Variants in NBAS observed in about 807,000 individuals in gnomAD.
NBAS encodes NBAS subunit of NRZ tethering complex.
NBAS carries 219 observed loss-of-function variants against 302.5 expected under a neutral mutation model. That is an observed-to-expected ratio of 0.72 (90% CI 0.65 to 0.81). The LOEUF is 0.81. NBAS is among the 30% of genes least tolerant of loss of function. The probability of loss-of-function intolerance (pLI) is 0.00; values close to 1 mark genes in which losing one functional copy is unlikely to be tolerated. For synonymous variants in NBAS, 1,118 were observed against 1,021.6 expected (o/e 1.09, Z -1.80); for missense variants, 2,932 against 2,841.6 (o/e 1.03, Z -0.72).
the NBAS span, among the ~76,000 whole-genome samples, chr2:15,039,204 G>A: frequency 6.6e-6 from 1 of 152,204 alleles, no homozygotes; most frequent in African/African-American, 2.4e-5. Context: ...AGGCTGCACT[G>A]AGGATTAAAC....
chr2:15,317,439 T>C (rs977381825), intron 38 of NBAS, among the ~76,000 whole-genome samples: 2 of 152,138 alleles, frequency 1.3e-5, no homozygotes, highest in African/African-American at 2.4e-5. Flanking sequence ...AGGTCGGTAA[T>C]AACAAACTTC....
rs1044070256 is a variant in NBAS, at chr2:15,360,344, A to C, written c.3818-3928T>G. 3.5e-3 allele frequency among the ~76,000 whole-genome samples: 432 copies of C among 124,588 alleles called. 4 individuals carry two copies. Among genetic ancestry groups the C allele is most frequent in the Middle Eastern group, 4.2e-3 (1 of 238 alleles). The allele number at this position is 124,588 out of a possible 152,430, so 81.7% of individuals were successfully genotyped here. A position where few individuals can be genotyped will look rare whatever the true frequency, so the allele number is the denominator to read the frequency against. On this transcript the variant is annotated intron_variant, in intron 32 of 51. Coordinates refer to ENST00000281513, the MANE Select transcript of NBAS (RefSeq NM_015909.4). Reference sequence around the variant, plus strand: ...TTACCATAACTTAAAAAAAAAAAAAAAACAAAACAAAACAGAATCTCACTG... The same window carrying C: ...TTACCATAACTTAAAAAAAAAAAAACAACAAAACAAAACAGAATCTCACTG...
At chr2:15,280,496 C>T (rs1669776556) in intron 42 of NBAS, among the ~76,000 whole-genome samples, 1 of 152,128 alleles carries the variant, frequency 6.6e-6, no homozygotes, top group African/African-American at 2.4e-5. Context: ...CATTAACACT[C>T]ATAATAACCC....
chr2:15,532,570 T>C lies in NBAS; in HGVS notation c.746+1973A>G, dbSNP rs116490959. On this transcript the variant is annotated intron_variant, in intron 9 of 51. Coordinates refer to ENST00000281513, the MANE Select transcript of NBAS (RefSeq NM_015909.4). The stretch of plus-strand genomic sequence containing the variant: ...AACAGGAGAACAAAGTGAAAATTCT[T>C]TGTGCATACTCGTGGTAGAGTAAGA... 5.1e-3 allele frequency among the ~76,000 whole-genome samples: 772 copies of C among 151,932 alleles called. 8 individuals carry two copies. The highest frequency in any genetic ancestry group is 0.018 in the African/African-American group (741 of 41,500).
At chr2:15,279,357 C>G (rs2148066496) in intron 42 of NBAS, among the ~76,000 whole-genome samples, 1 of 152,192 alleles carries the variant, frequency 6.6e-6, no homozygotes, top group South Asian at 2.1e-4. Context: ...CTGCTCAGGA[C>G]ATCACAAAGC....
At chr2:15,499,253 G>T (rs1037150369) in intron 11 of NBAS, among the ~76,000 whole-genome samples, 7 of 152,136 alleles carry the variant, frequency 4.6e-5, no homozygotes, top group Non-Finnish European at 7.3e-5. Flanking sequence ...AGCAGTGTGA[G>T]AACAGACTAA....
At chr2:15,439,255 C>T (rs1214563114) in intron 21 of NBAS, among the ~76,000 whole-genome samples, 1 of 145,838 alleles carries the variant, frequency 6.9e-6, no homozygotes, top group Non-Finnish European at 1.5e-5. Context: ...TGAGCTGAGA[C>T]ATCGCCACTG....
the NBAS span, among the ~76,000 whole-genome samples, chr2:14,910,252 G>A: frequency 1.3e-5 from 2 of 152,200 alleles, no homozygotes; most frequent in Non-Finnish European, 2.9e-5. Flanking sequence ...GAAAGGGGCT[G>A]TGAAAACCGA....
At chr2:14,825,928 G>T in the NBAS span, among the ~76,000 whole-genome samples, 3 of 152,182 alleles carry the variant, frequency 2.0e-5, no homozygotes, top group East Asian at 5.8e-4. Context: ...GATGAGATAC[G>T]AGTGAGCAGG....
At chr2:15,282,347 C>A (rs1461467484) in intron 42 of NBAS, among the ~76,000 whole-genome samples, 2 of 152,134 alleles carry the variant, frequency 1.3e-5, no homozygotes, top group African/African-American at 2.4e-5. Flanking sequence ...GGACACAAAC[C>A]TATGTGAACA....
chr2:15,132,906 C>T, the NBAS span, among the ~76,000 whole-genome samples: 16 of 150,836 alleles, frequency 1.1e-4, no homozygotes, highest in East Asian at 3.1e-3. Flanking sequence ...CCATGGTTGC[C>T]TCTGGATAGT....
At chr2:14,806,741 G>T in the NBAS span, among the ~76,000 whole-genome samples, 1 of 152,160 alleles carries the variant, frequency 6.6e-6, no homozygotes, top group African/African-American at 2.4e-5. Context: ...ACACTCTAAA[G>T]GGAGGAAAAT....
the NBAS span, among the ~76,000 whole-genome samples, chr2:14,938,319 A>G: frequency 1.9e-4 from 29 of 152,182 alleles, no homozygotes; most frequent in Non-Finnish European, 3.2e-4. Flanking sequence ...ATACACACAC[A>G]TTATAAATCA....
chr2:14,830,841 G>A, the NBAS span, among the ~76,000 whole-genome samples: 5 of 152,196 alleles, frequency 3.3e-5, no homozygotes, highest in Non-Finnish European at 5.9e-5. Context: ...GTGGTGTGCT[G>A]ATAACTGTCT....
chr2:15,187,445 A>T (rs1287045107), intron 49 of NBAS, among the ~76,000 whole-genome samples: 1 of 152,286 alleles, frequency 6.6e-6, no homozygotes, highest in East Asian at 1.9e-4. Context: ...AGTTACAATC[A>T]GGGTATTGCA....
the NBAS span, among the ~76,000 whole-genome samples, chr2:14,968,082 G>T: frequency 3.3e-5 from 5 of 152,098 alleles, no homozygotes; most frequent in Non-Finnish European, 7.4e-5. Flanking sequence ...TACTTGAAAG[G>T]CTGCCCTGCT....
At chr2:15,011,180 C>T in the NBAS span, among the ~76,000 whole-genome samples, 2 of 151,974 alleles carry the variant, frequency 1.3e-5, no homozygotes, top group Admixed American at 6.6e-5. Flanking sequence ...AAATTCCTGA[C>T]ATGGTTTAGG....
chr2:14,783,602 A>G, the NBAS span, among the ~76,000 whole-genome samples: 1 of 151,340 alleles, frequency 6.6e-6, no homozygotes, highest in Non-Finnish European at 1.5e-5. Context: ...TAGTTTACTG[A>G]GAATGATGAT....
At chr2:14,822,702 C>T in the NBAS span, among the ~76,000 whole-genome samples, 65,902 of 152,004 alleles carry the variant, frequency 0.43, 15,496 homozygotes, top group African/African-American at 0.63. Context: ...GTGAAAACTC[C>T]CACAAGGTGA....
Sources: gnomAD v4.1 joint callset for allele counts (sites outside exome capture counted in the v4.1 genomes callset) on GRCh38, gnomAD v4.1.1 for gene constraint, MANE v1.5 for transcripts, NCBI Gene and HGNC (gene_info 2026-07-23, HGNC 2026-07-21) for gene names.